Variants in EEFSEC observed in about 807,000 individuals in gnomAD.
EEFSEC encodes the protein eukaryotic elongation factor, selenocysteine-tRNA specific.
EEFSEC carries 43 observed loss-of-function variants against 42.1 expected under a neutral mutation model. The ratio of observed to expected loss-of-function variants is 1.02; its 90% confidence interval spans 0.80 to 1.32. The LOEUF (loss-of-function observed/expected upper bound fraction) is 1.32, where lower values mean the gene tolerates loss of function less well. Among genes scored for constraint, EEFSEC ranks in the 40% most tolerant of loss-of-function variants. The probability of loss-of-function intolerance (pLI) is 0.00; values close to 1 mark genes in which losing one functional copy is unlikely to be tolerated. For synonymous variants in EEFSEC, 354 were observed against 339.1 expected, an observed-to-expected ratio of 1.04 and a Z score of -0.48; for missense variants, 745 against 803.6, an observed-to-expected ratio of 0.93 and a Z score of 0.88.
chr3:128,169,525 T>C (rs535389787), intron 1 of EEFSEC, among the ~76,000 whole-genome samples: 2 of 152,364 alleles, frequency 1.3e-5, no homozygotes, highest in South Asian at 4.1e-4. Flanking sequence ...TCACTATGGC[T>C]ATCCTATTGG....
chr3:128,259,346 A>G (rs1038283590), intron 2 of EEFSEC, among the ~76,000 whole-genome samples: 29 of 152,258 alleles, frequency 1.9e-4, no homozygotes. Context: ...AAGTGGTTCA[A>G]TATTGTATGG....
At chr3:128,230,355 A>C (rs759101871) in intron 1 of EEFSEC, among the ~76,000 whole-genome samples, 1 of 152,120 alleles carries the variant, frequency 6.6e-6, no homozygotes, top group Non-Finnish European at 1.5e-5. Flanking sequence ...AGGTCTCACT[A>C]TGTTGCCCAG....
At chr3:128,380,815 C>T (rs985404970) in intron 6 of EEFSEC, among the ~76,000 whole-genome samples, 1 of 152,216 alleles carries the variant, frequency 6.6e-6, no homozygotes, top group Non-Finnish European at 1.5e-5. Context: ...GAGGGTTTCT[C>T]TAGGCAAGTA....
At chr3:128,407,862 A>C (rs1464666827) in intron 6 of EEFSEC, among the ~76,000 whole-genome samples, 1 of 152,146 alleles carries the variant, frequency 6.6e-6, no homozygotes, top group Non-Finnish European at 1.5e-5. Flanking sequence ...TGGTGAGCTG[A>C]GGCCCCAAGA....
chr3:128,392,625 GC>G (rs1299518052), intron 6 of EEFSEC, among the ~76,000 whole-genome samples: 1 of 152,194 alleles, frequency 6.6e-6, no homozygotes, highest in Non-Finnish European at 1.5e-5. Context: ...AGCATCCCTG[GC>G]CCCACACAGA....
chr3:128,341,207 G>C (rs560101589), intron 4 of EEFSEC, 26 bp from the exon 5 acceptor site: 1 of 1,571,262 alleles, frequency 6.4e-7, no homozygotes, highest in South Asian at 1.2e-5. Context: ...TTGGTTTCAT[G>C]TGCTCTCTTG....
intron 1 of EEFSEC, among the ~76,000 whole-genome samples, chr3:128,170,412 A>G (rs2065283428): frequency 7.7e-6 from 1 of 130,672 alleles, no homozygotes; most frequent in African/African-American, 2.9e-5. Context: ...AACTACAAAA[A>G]TTAGCCATGC....
intron 5 of EEFSEC, among the ~76,000 whole-genome samples, chr3:128,344,376 G>A (rs1041603317): frequency 6.6e-6 from 1 of 152,314 alleles, no homozygotes; most frequent in African/African-American, 2.4e-5. Context: ...ATCAAATTAT[G>A]TGCAAATATT....
chr3:128,250,218 G>A (rs1302521445), intron 2 of EEFSEC, among the ~76,000 whole-genome samples: 2 of 152,040 alleles, frequency 1.3e-5, no homozygotes, highest in South Asian at 2.1e-4. Flanking sequence ...TTTTCACTTC[G>A]TTGATAGTGT....
chr3:128,179,982 T>C (rs1470181745), intron 1 of EEFSEC, among the ~76,000 whole-genome samples: 1 of 152,200 alleles, frequency 6.6e-6, no homozygotes, highest in Non-Finnish European at 1.5e-5. Flanking sequence ...CCACCTCAAA[T>C]TGCCAGGTTT....
chr3:128,204,346 G>A (rs757235745), intron 1 of EEFSEC, among the ~76,000 whole-genome samples: 5 of 152,206 alleles, frequency 3.3e-5, no homozygotes, highest in Non-Finnish European at 7.3e-5. Flanking sequence ...AAAGCCTGTT[G>A]CATAGTCAAC....
chr3:128,424,057 C>T, the EEFSEC span, among the ~76,000 whole-genome samples: 1 of 152,262 alleles, frequency 6.6e-6, no homozygotes, highest in Admixed American at 6.5e-5. Context: ...CGCACACACA[C>T]ACTATGCATG....
intron 4 of EEFSEC, among the ~76,000 whole-genome samples, chr3:128,272,424 A>G (rs958043436): frequency 2.0e-5 from 3 of 152,156 alleles, no homozygotes; most frequent in Non-Finnish European, 2.9e-5. Flanking sequence ...GAAGGGAGGA[A>G]GGATGTGACG....
chr3:128,349,546 A>C (rs1386139212), intron 5 of EEFSEC, among the ~76,000 whole-genome samples: 1 of 152,156 alleles, frequency 6.6e-6, no homozygotes, highest in East Asian at 1.9e-4. Context: ...GTGCTCTGCA[A>C]TACCTGCTGG....
At chr3:128,154,500 A>T (rs536267230) in intron 1 of EEFSEC, among the ~76,000 whole-genome samples, 2 of 150,234 alleles carry the variant, frequency 1.3e-5, no homozygotes, top group African/African-American at 2.5e-5. Context: ...CCCAGCCTGG[A>T]GTGCAGTGGC....
At chr3:128,245,856 C>G (rs1476463883) in intron 1 of EEFSEC, among the ~76,000 whole-genome samples, 1 of 152,156 alleles carries the variant, frequency 6.6e-6, no homozygotes, top group Non-Finnish European at 1.5e-5. Flanking sequence ...TCCATGCCTT[C>G]CCTCTATCCC....
At chr3:128,281,658 AG>A (rs2066527036) in intron 4 of EEFSEC, among the ~76,000 whole-genome samples, 2 of 152,094 alleles carry the variant, frequency 1.3e-5, no homozygotes, top group African/African-American at 4.8e-5. Context: ...TGGATGGACC[AG>A]GGAGGACAGA....
At chr3:128,372,660 T>TG (rs1452479634) in intron 6 of EEFSEC, among the ~76,000 whole-genome samples, 1 of 152,212 alleles carries the variant, frequency 6.6e-6, no homozygotes, top group Non-Finnish European at 1.5e-5. Context: ...CTACCTGACA[T>TG]GCTTTGTTGA....
At chr3:128,345,622 G>A (rs1442388034) in intron 5 of EEFSEC, among the ~76,000 whole-genome samples, 1 of 152,228 alleles carries the variant, frequency 6.6e-6, no homozygotes, top group Non-Finnish European at 1.5e-5. Context: ...CACCACCTTG[G>A]TGAGCCAGCA....
Sources: gnomAD v4.1 joint callset for allele counts (sites outside exome capture counted in the v4.1 genomes callset) on GRCh38, gnomAD v4.1.1 for gene constraint, MANE v1.5 for transcripts, NCBI Gene and HGNC (gene_info 2026-07-23, HGNC 2026-07-21) for gene names.